Variants in MROH2B observed in about 807,000 individuals in gnomAD.
The protein encoded by MROH2B is maestro heat-like repeat-containing protein family member 2B.
MROH2B carries 177 observed loss-of-function variants against 208.6 expected under a neutral mutation model. The ratio of observed to expected loss-of-function variants is 0.85; its 90% CI spans 0.75 to 0.96. MROH2B has a LOEUF of 0.96. Ranked by LOEUF, MROH2B falls within the 40% of genes least tolerant of loss-of-function variation. MROH2B has a pLI of 0.00. For missense variants in MROH2B, 2,002 were observed against 1,878.7 expected (o/e 1.07, Z -1.21); for synonymous variants, 728 against 659.0 (o/e 1.10, Z -1.60).
chr5:41,035,121 GA>G (rs555816741), intron 21 of MROH2B, among the ~76,000 whole-genome samples: 1 of 151,714 alleles, frequency 6.6e-6, no homozygotes, highest in Non-Finnish European at 1.5e-5. Context: ...ATGGAACAAC[GA>G]AAAAAAGCCT....
chr5:40,998,048 TG>T lies in MROH2B; in HGVS notation c.*3del. ...GAAAAGCCAGCAGTTTATTTCTTGA[TG>T]GCTTACAGAGGAATGCTTGTCTCTT... On this transcript the variant is annotated 3_prime_UTR_variant, in exon 42 of 42. Transcript: ENST00000399564. 1 of 1,601,328 alleles carries T rather than the reference TG, an allele frequency of 6.2e-7. No individual in the cohort carries two copies. Among genetic ancestry groups the T allele is most frequent in the Non-Finnish European group, 8.5e-7 (1 of 1,170,884 alleles).
chr5:41,035,518 CAGAGT>C (rs1367487627), intron 21 of MROH2B, among the ~76,000 whole-genome samples: 1 of 152,066 alleles, frequency 6.6e-6, no homozygotes, highest in Non-Finnish European at 1.5e-5. Flanking sequence ...AAAATACCAA[CAGAGT>C]AAACAGACAA....
chr5:41,056,227 G>A (rs1284489154), intron 9 of MROH2B, among the ~76,000 whole-genome samples: 2 of 152,182 alleles, frequency 1.3e-5, no homozygotes, highest in Non-Finnish European at 2.9e-5. Flanking sequence ...GAAGATGGAG[G>A]AAGAGATGGC....
chr5:41,010,563 G>A (rs759452750), intron 30 of MROH2B, among the ~76,000 whole-genome samples: 2 of 152,166 alleles, frequency 1.3e-5, no homozygotes, highest in African/African-American at 2.4e-5. Context: ...GGAGACAGAT[G>A]GTGGGAAAGG....
chr5:41,005,607 A>G lies in MROH2B; in HGVS notation c.3788T>C (p.Ile1263Thr). Reference sequence around the variant, plus strand: ...AAGAGATGAGAGCAGCTGTTCCATGATGTCCAGTATGACTCCGTGTTGCCA... The same window carrying G: ...AAGAGATGAGAGCAGCTGTTCCATGGTGTCCAGTATGACTCCGTGTTGCCA... Reference protein sequence around the residue: ...AVWQHGVILDIMEQLLSSLTS... With the variant: ...AVWQHGVILDTMEQLLSSLTS... The change falls in exon 35 of 42, where the codon ATC (isoleucine) becomes ACC (threonine). Residue 1263 changes from isoleucine to threonine, a missense_variant. Ile to Thr is a moderately conservative substitution (Grantham distance 89, BLOSUM62 -1). Transcript: ENST00000399564. 6.2e-7 allele frequency: 1 copy of G among 1,612,290 alleles called. No individual in the cohort carries two copies. The highest frequency in any genetic ancestry group is 1.1e-5 in the South Asian group (1 of 90,378).
rs921661909 is a variant in MROH2B at position 41,005,518 on chromosome 5, T to C, written c.3864+13A>G. 6.7e-7 allele frequency: 1 copy of C among 1,501,630 alleles called. No homozygotes were observed. Among genetic ancestry groups the C allele is most frequent in the South Asian group, 1.2e-5 (1 of 85,428 alleles). The allele number at this position is 1,501,630 out of a possible 1,614,324, so 93.0% of individuals were successfully genotyped here. A position where few individuals can be genotyped will look rare whatever the true frequency, so the allele number is the denominator to read the frequency against. ...GACCCAGTGAGTGTGCTCTGAGGGC[T>C]GTTCTCCCTTGCCTCAGAGAAGAAA... On this transcript the variant is annotated intron_variant, in intron 35 of 41. Transcript: ENST00000399564.
intron 24 of MROH2B, among the ~76,000 whole-genome samples, chr5:41,026,759 G>T (rs1742375927): frequency 6.6e-6 from 1 of 152,166 alleles, no homozygotes; most frequent in Non-Finnish European, 1.5e-5. Context: ...AACAAAGCTG[G>T]AGGCATCACG....
intron 29 of MROH2B, among the ~76,000 whole-genome samples, chr5:41,014,953 T>C (rs1226533384): frequency 6.6e-6 from 1 of 152,234 alleles, no homozygotes; most frequent in Non-Finnish European, 1.5e-5. Context: ...GCTTTACATA[T>C]GGTAGGTGCT....
intron 15 of MROH2B, 134 bp downstream of exon 15, chr5:41,048,967 G>A: frequency 1.2e-6 from 1 of 827,800 alleles, no homozygotes; most frequent in Non-Finnish European, 1.9e-6. Context: ...TAGTATAGCA[G>A]AAAATTTATT....
intron 2 of MROH2B, among the ~76,000 whole-genome samples, chr5:41,067,644 A>C (rs1447684995): frequency 1.3e-5 from 2 of 152,352 alleles, no homozygotes; most frequent in East Asian, 3.9e-4. Context: ...CTGGGATTAC[A>C]GGCATGAGCC....
At chr5:40,999,511 T>C (rs1561269894) in intron 40 of MROH2B, among the ~76,000 whole-genome samples, 166 bp downstream of exon 40, 1 of 152,206 alleles carries the variant, frequency 6.6e-6, no homozygotes, top group Non-Finnish European at 1.5e-5. Flanking sequence ...GAAGCAGGTT[T>C]CTTTGAGGGA....
At chr5:41,036,954 T>C (rs1213980086) in intron 21 of MROH2B, among the ~76,000 whole-genome samples, 1 of 152,182 alleles carries the variant, frequency 6.6e-6, no homozygotes, top group Non-Finnish European at 1.5e-5. Context: ...ATCTTGTGTA[T>C]ATGTTTTGTT....
chr5:40,999,531 A>G, intron 40 of MROH2B, 146 bp downstream of exon 40: 1 of 554,376 alleles, frequency 1.8e-6, no homozygotes, highest in Non-Finnish European at 3.1e-6. Context: ...AGGATGTTAC[A>G]TGACGTAAGA....
In MROH2B at chr5:41,059,915, A is replaced by G. The variant is rs185620358; in HGVS notation, c.615+1655T>C. Among the ~76,000 whole-genome samples the G allele has an allele frequency of 3.9e-5, 6 of 152,236 alleles. No homozygotes were observed. In the East Asian group the frequency reaches 1.2e-3, roughly 29 times the overall value. On this transcript the variant is annotated intron_variant, in intron 6 of 41. Coordinates refer to ENST00000399564, the MANE Select transcript of MROH2B (RefSeq NM_173489.5). The stretch of plus-strand genomic sequence containing the variant: ...GATGATACCCAAATCTATAAGTCCA[A>G]TTTTTGCTCTTCCTTTTTAACTCCA...
At chr5:41,024,261 C>A (rs13156644) in intron 24 of MROH2B, among the ~76,000 whole-genome samples, 45,677 of 151,988 alleles carry the variant, frequency 0.3, 7,568 homozygotes, top group Non-Finnish European at 0.37. Context: ...AGAGTCAAGA[C>A]CCACCAGTGT....
At chr5:41,003,286 G>A (rs561148424) in intron 37 of MROH2B, among the ~76,000 whole-genome samples, 1 of 152,122 alleles carries the variant, frequency 6.6e-6, no homozygotes, top group East Asian at 1.9e-4. Flanking sequence ...TTAATTGGAG[G>A]AAATAGTTGG....
intron 20 of MROH2B, among the ~76,000 whole-genome samples, chr5:41,039,174 G>A (rs1322191800): frequency 6.6e-6 from 1 of 152,150 alleles, no homozygotes; most frequent in Admixed American, 6.5e-5. Context: ...CATGAGAGGA[G>A]CTATTCATGA....
At chr5:41,007,288 C>T (rs2111818786) in intron 34 of MROH2B, 26 bp downstream of exon 34, 1 of 1,354,766 alleles carries the variant, frequency 7.4e-7, no homozygotes, top group East Asian at 2.9e-5. Flanking sequence ...TTCTTTGTAT[C>T]TGGTTCTAGA....
chr5:41,021,519 T>C (rs1330090342), intron 24 of MROH2B, among the ~76,000 whole-genome samples: 1 of 152,202 alleles, frequency 6.6e-6, no homozygotes, highest in Non-Finnish European at 1.5e-5. Context: ...GGAGGTCTTA[T>C]ACTTACTGAT....
Sources: allele counts gnomAD v4.1 joint callset (sites outside exome capture counted in the v4.1 genomes callset), GRCh38; gene constraint gnomAD v4.1.1; transcripts MANE v1.5; gene names NCBI Gene and HGNC (gene_info 2026-07-23, HGNC 2026-07-21).